Variants in RBL2 observed in about 807,000 individuals in gnomAD.
RBL2 encodes the protein retinoblastoma-like protein 2.
In RBL2, 56 loss-of-function variants were observed where a neutral mutation model predicts 126.0. The observed-to-expected ratio is 0.44, with a 90% CI of 0.36 to 0.56. RBL2 has a LOEUF of 0.56. Ranked by LOEUF, RBL2 falls within the 20% of genes least tolerant of loss-of-function variation. RBL2 has a pLI of 0.00. For missense variants in RBL2, 1,229 were observed against 1,398.2 expected (o/e 0.88, Z 1.93); for synonymous variants, 454 against 478.5 (o/e 0.95, Z 0.67).
intron 4 of RBL2, among the ~76,000 whole-genome samples, chr16:53,447,709 A>G (rs185879406): frequency 3.0e-4 from 45 of 152,066 alleles, no homozygotes; most frequent in African/African-American, 9.4e-4. Context: ...TAGTGGCACA[A>G]TCTCGGCTCA....
Position 53,465,488 on chromosome 16 carries a change from A to G in RBL2, c.1749A>G (p.Val583=). The G allele has an allele frequency of 6.3e-7, 1 of 1,592,240 alleles. No homozygotes were observed. The highest frequency in any genetic ancestry group is 8.5e-7 in the Non-Finnish European group (1 of 1,169,918). ...RAEDGLCREV[V]KHLNQIEEQI... Reference sequence around the variant, plus strand: ...AAGATGGCCTTTGTAGAGAGGTGGTAAAACACCTTAATCAGATTGAAGAAC... The same window carrying G: ...AAGATGGCCTTTGTAGAGAGGTGGTGAAACACCTTAATCAGATTGAAGAAC... Residue 583 remains valine, a synonymous_variant, in exon 13 of 22, where the codon GTA becomes GTG. Coordinates refer to ENST00000262133, the MANE Select transcript of RBL2 (RefSeq NM_005611.4).
chr16:53,447,070 T>C lies in RBL2; in HGVS notation c.601T>C (p.Phe201Leu). Residue 201 changes from phenylalanine to leucine, a missense_variant, in exon 4 of 22, where the codon TTC becomes CTC. Phe to Leu is a conservative substitution (Grantham distance 22, BLOSUM62 0). Around this residue, in one of 2 missense-constraint regions of RBL2, gnomAD observed 1,070 missense variants for 1,274.3 expected, o/e 0.84. Coordinates refer to ENST00000262133, the MANE Select transcript of RBL2 (RefSeq NM_005611.4). ...RRQPCTVSEI[F>L]HFCWVLFIYA... The stretch of plus-strand genomic sequence containing the variant: ...ACAGCCCTGTACTGTGTCTGAAATT[T>C]TCCATTTTTGTTGGGTGCTTTTTAT... 1 of 1,595,664 alleles carries C rather than the reference T, an allele frequency of 6.3e-7. No individual in the cohort carries two copies. Among genetic ancestry groups the C allele is most frequent in the Non-Finnish European group, 8.5e-7 (1 of 1,170,672 alleles).
At chr16:53,446,518 G>T (rs1273649753) in intron 3 of RBL2, among the ~76,000 whole-genome samples, 4 of 152,190 alleles carry the variant, frequency 2.6e-5, no homozygotes, top group African/African-American at 9.7e-5. Flanking sequence ...CTGAAACTTG[G>T]CAGACTACTT....
chr16:53,468,501 C>G (rs977910642), intron 14 of RBL2, among the ~76,000 whole-genome samples: 2 of 152,158 alleles, frequency 1.3e-5, no homozygotes, highest in African/African-American at 4.8e-5. Context: ...GTAGAATTTT[C>G]CGTTCCCTAA....
Position 53,490,789 on chromosome 16 carries a change from C to T in RBL2, c.*489C>T, listed in dbSNP as rs1209863693. The T allele has an allele frequency of 6.6e-6, 1 of 152,586 alleles. No individual in the cohort carries two copies. Among genetic ancestry groups the T allele is most frequent in the African/African-American group, 2.4e-5 (1 of 41,416 alleles). The allele number at this position is 152,586 out of a possible 1,614,324, so 9.5% of individuals were successfully genotyped here. A position where few individuals can be genotyped will look rare whatever the true frequency, so the allele number is the denominator to read the frequency against. ...TGCATTCCTGACAAAGGAGAGCACACCCAGGTTTGGAGGTCCTAGGTCATT... is the reference window on the plus strand; with the variant it reads ...TGCATTCCTGACAAAGGAGAGCACATCCAGGTTTGGAGGTCCTAGGTCATT... On this transcript the variant is annotated 3_prime_UTR_variant, in exon 22 of 22. Transcript: ENST00000262133.
At chr16:53,481,055 G>GGA in intron 20 of RBL2, 2 of 239,384 alleles carry the variant, frequency 8.4e-6, no homozygotes, top group Non-Finnish European at 1.6e-5. Context: ...GCTACTCTGG[G>GGA]GGCTGAGGCA....
chr16:53,491,279 T>C lies in RBL2; in HGVS notation c.*979T>C, dbSNP rs904488464. ...TAAGGTGATATATTTAAAAATATTT[T>C]TGGGTGTTCCTGGCAGTTTAAAAAA... On this transcript the variant is annotated 3_prime_UTR_variant, in exon 22 of 22. Transcript: ENST00000262133. 1 of 152,170 alleles carries C rather than the reference T, an allele frequency of 6.6e-6. No homozygotes were observed. The highest frequency in any genetic ancestry group is 2.4e-5 in the African/African-American group (1 of 41,434). The allele number at this position is 152,170 out of a possible 1,614,324, so 9.4% of individuals were successfully genotyped here.
intron 8 of RBL2, among the ~76,000 whole-genome samples, chr16:53,455,692 G>A (rs945071555): frequency 1.3e-5 from 2 of 152,168 alleles, no homozygotes; most frequent in African/African-American, 2.4e-5. Flanking sequence ...TAGGTAAGGT[G>A]GTTGGGAACG....
intron 9 of RBL2, among the ~76,000 whole-genome samples, chr16:53,460,393 T>G (rs2150803215): frequency 6.6e-6 from 1 of 152,328 alleles, no homozygotes; most frequent in South Asian, 2.1e-4. Context: ...GCCAACTACT[T>G]TTCCTTTACA....
At position 53,480,560 on chromosome 16, in the gene RBL2, G is replaced by C. The variant is rs1395915724; in HGVS notation, c.2882-7G>C. The C allele has an allele frequency of 6.2e-7, 1 of 1,608,544 alleles. No homozygotes were observed. Among genetic ancestry groups the C allele is most frequent in the Non-Finnish European group, 8.5e-7 (1 of 1,177,498 alleles). ...TGTACTGACAGCCTTTGTTCTCCTGGCTGCAGCCAGTAGAGACTCCAGTCC... is the reference window on the plus strand; with the variant it reads ...TGTACTGACAGCCTTTGTTCTCCTGCCTGCAGCCAGTAGAGACTCCAGTCC... On this transcript the variant is annotated splice_polypyrimidine_tract_variant and splice_region_variant and intron_variant, in intron 19 of 21. Coordinates refer to ENST00000262133, the MANE Select transcript of RBL2 (RefSeq NM_005611.4).
intron 17 of RBL2, 33 bp from the exon 18 acceptor site, chr16:53,479,121 C>A: frequency 3.9e-6 from 6 of 1,551,776 alleles, no homozygotes; most frequent in Non-Finnish European, 5.3e-6. Context: ...TGGTAGTTGC[C>A]ATGTCTCTCA....
chr16:53,489,298 G>A (rs1961301739), intron 21 of RBL2: 1 of 152,170 alleles, frequency 6.6e-6, no homozygotes, highest in Non-Finnish European at 1.5e-5. Flanking sequence ...ATGTGAGGAT[G>A]CATTATGCTT....
chr16:53,444,096 A>G (rs1395434905), intron 3 of RBL2, among the ~76,000 whole-genome samples: 1 of 151,714 alleles, frequency 6.6e-6, no homozygotes, highest in Non-Finnish European at 1.5e-5. Context: ...TAAAAATACA[A>G]AAATTAGCTG....
chr16:53,490,397 A>G lies in RBL2; in HGVS notation c.*97A>G. 9.2e-7 allele frequency: 1 copy of G among 1,088,726 alleles called. No individual in the cohort carries two copies. Among genetic ancestry groups the G allele is most frequent in the Non-Finnish European group, 1.3e-6 (1 of 781,522 alleles). The allele number at this position is 1,088,726 out of a possible 1,614,324, so 67.4% of individuals were successfully genotyped here. A position where few individuals can be genotyped will look rare whatever the true frequency, so the allele number is the denominator to read the frequency against. On this transcript the variant is annotated 3_prime_UTR_variant, in exon 22 of 22. Coordinates refer to ENST00000262133, the MANE Select transcript of RBL2 (RefSeq NM_005611.4). The stretch of plus-strand genomic sequence containing the variant: ...GCTTTTTTCCTTAATCCAGCTGATG[A>G]GTTACAGCCTGTTAGTAACATGAGG...
intron 8 of RBL2, among the ~76,000 whole-genome samples, chr16:53,458,245 TA>T (rs1295636425): frequency 3.3e-5 from 5 of 152,342 alleles, no homozygotes; most frequent in African/African-American, 1.2e-4. Context: ...CTAGGTTTTT[TA>T]AAAAATTAGA....
chr16:53,449,958 C>CTTTTT (rs764078451), intron 4 of RBL2, among the ~76,000 whole-genome samples: 5 of 109,736 alleles, frequency 4.6e-5, no homozygotes, highest in South Asian at 3.0e-4. Flanking sequence ...ACAGTACTGC[C>CTTTTT]TTTTTTTTTT....
In RBL2 at chr16:53,481,920, C is replaced by G. The variant is rs865894052; in HGVS notation, c.3249+85C>G. ...AGGGTTTGTGCTAAGCTTAGGCACT[C>G]ATTAGAGTGATGAGAGCTGCCAGGG... On this transcript the variant is annotated intron_variant, in intron 21 of 21. Transcript: ENST00000262133. 3 of 1,419,330 alleles carry G rather than the reference C, an allele frequency of 2.1e-6. No individual in the cohort carries two copies. The Middle Eastern group carries it at 5.4e-4, about 253-fold the overall frequency. The allele number at this position is 1,419,330 out of a possible 1,614,324, so 87.9% of individuals were successfully genotyped here.
At position 53,451,712 on chromosome 16, in the gene RBL2, C is replaced by A; in HGVS notation, c.647C>A (p.Pro216His). Residue 216 changes from proline (P) to histidine (H), a missense_variant, in exon 5 of 22, where the codon CCC (proline) becomes CAC (histidine). Coordinates refer to ENST00000262133, the MANE Select transcript of RBL2 (RefSeq NM_005611.4). ...VLFIYAKGNF[P>H]MISDDLVNSY... ...GCTTATAATCCTGCAGGTAATTTCC[C>A]CATGATTAGTGATGATTTGGTCAAT... is the stretch of plus-strand genomic sequence containing the variant. 1 of 1,612,004 alleles carries A rather than the reference C, an allele frequency of 6.2e-7. No homozygotes were observed. The highest frequency in any genetic ancestry group is 8.5e-7 in the Non-Finnish European group (1 of 1,178,646).
intron 8 of RBL2, among the ~76,000 whole-genome samples, chr16:53,456,810 C>T (rs2058171853): frequency 1.3e-5 from 2 of 152,326 alleles, no homozygotes; most frequent in South Asian, 2.1e-4. Flanking sequence ...GATAACCCAA[C>T]TGCTATGTCA....
Sources: allele counts gnomAD v4.1 joint callset (sites outside exome capture counted in the v4.1 genomes callset), GRCh38; gene constraint gnomAD v4.1.1; regional missense constraint gnomAD v4.1.1; transcripts MANE v1.5; gene names NCBI Gene and HGNC (gene_info 2026-07-23, HGNC 2026-07-21).